The following SVIL variants were observed in gnomAD, a reference collection of about 807,000 sequenced individuals.
The protein encoded by SVIL is archvillin.
Under a neutral mutation model 240.4 loss-of-function variants are expected in SVIL, and 101 were observed. That is an observed-to-expected ratio of 0.42 (90% CI 0.36 to 0.50). SVIL has a LOEUF of 0.50. Ranked by LOEUF, SVIL falls within the 20% of genes least tolerant of loss-of-function variation. The probability of loss-of-function intolerance (pLI) is 0.01; values close to 1 mark genes in which losing one functional copy is unlikely to be tolerated. For missense variants in SVIL, 2,512 were observed against 2,818.7 expected, an observed-to-expected ratio of 0.89 and a Z score of 2.46; for synonymous variants, 999 against 1,100.0, an observed-to-expected ratio of 0.91 and a Z score of 1.82.
chr10:29,672,741 C>T (rs1395818124), intron 2 of SVIL, among the ~76,000 whole-genome samples: 1 of 148,618 alleles, frequency 6.7e-6, no homozygotes, highest in Non-Finnish European at 1.5e-5. Flanking sequence ...TTCCTCTTGG[C>T]ACCCTAAATT....
intron 6 of SVIL, among the ~76,000 whole-genome samples, chr10:29,550,059 G>GAAA (rs35956858): frequency 3.0e-5 from 4 of 131,532 alleles, no homozygotes; most frequent in African/African-American, 1.1e-4. Flanking sequence ...AAAAGAAAAA[G>GAAA]AAAAAAAAAA....
At chr10:29,674,060 G>A (rs1239766718) in intron 2 of SVIL, among the ~76,000 whole-genome samples, 1 of 152,158 alleles carries the variant, frequency 6.6e-6, no homozygotes, top group Non-Finnish European at 1.5e-5. Flanking sequence ...GCCAAGCACA[G>A]TGGATCACAC....
At chr10:29,496,372 G>A (rs1390573936) in intron 18 of SVIL, 2 of 455,366 alleles carry the variant, frequency 4.4e-6, no homozygotes, top group Admixed American at 2.4e-5. Flanking sequence ...GGTATCACAG[G>A]GTGGGGAGGG....
chr10:29,704,759 C>T (rs1448767098), intron 1 of SVIL, among the ~76,000 whole-genome samples: 1 of 152,158 alleles, frequency 6.6e-6, no homozygotes, highest in South Asian at 2.1e-4. Flanking sequence ...ACCTGTTCAA[C>T]GTCACTGCCC....
At chr10:29,662,210 C>T (rs1959169411) in intron 2 of SVIL, among the ~76,000 whole-genome samples, 1 of 152,168 alleles carries the variant, frequency 6.6e-6, no homozygotes, top group Admixed American at 6.5e-5. Context: ...GGCACTTCCT[C>T]CCCGGTCTCA....
chr10:29,499,022 T>G, intron 18 of SVIL, 94 bp downstream of exon 18: 1 of 1,468,224 alleles, frequency 6.8e-7, no homozygotes, highest in Non-Finnish European at 9.1e-7. Context: ...TCTTTTAAAT[T>G]GAGCTATCAC....
rs1161279279 is a variant in SVIL at position 29,532,617 on chromosome 10, C to T, written c.1750G>A (p.Glu584Lys). 2.5e-6 allele frequency: 4 copies of T among 1,613,974 alleles called. No individual in the cohort carries two copies. The highest frequency in any genetic ancestry group is 3.4e-6 in the Non-Finnish European group (4 of 1,179,940). Residue 584 changes from glutamate to lysine, a missense_variant, in exon 8 of 38, where the codon GAG becomes AAG. Physicochemically the swap from Glu to Lys is moderately conservative, Grantham distance 56. This residue lies in a region of SVIL where 1,443 missense variants were observed against 1,486.6 expected (regional missense o/e 0.97). Transcript: ENST00000355867. ...PSSKTEGPYG[E>K]ISMLDTKVSV... ...ACTTTTGTGTCCAGCATGCTGATCT[C>T]CCCATAAGGCCCTTCGGTCTTGGAG...
At chr10:29,651,618 T>TTCTCTCTCTCGC in intron 3 of SVIL, among the ~76,000 whole-genome samples, 1 of 135,430 alleles carries the variant, frequency 7.4e-6, no homozygotes, top group Admixed American at 7.6e-5. Context: ...GCCACATGCA[T>TTCTCTCTCTCGC]TCTCTCTCTC....
intron 1 of SVIL, among the ~76,000 whole-genome samples, chr10:29,693,252 G>A (rs1961652594): frequency 7.1e-6 from 1 of 140,394 alleles, no homozygotes; most frequent in Non-Finnish European, 1.5e-5. Context: ...AGGGTGGCCC[G>A]AATCCATAAT....
chr10:29,556,942 AT>A (rs1953987710), intron 3 of SVIL, among the ~76,000 whole-genome samples: 1 of 152,232 alleles, frequency 6.6e-6, no homozygotes, highest in African/African-American at 2.4e-5. Flanking sequence ...TCAAGAAGCT[AT>A]CAAAACCAAA....
chr10:29,669,691 C>T (rs1411781552), intron 2 of SVIL, among the ~76,000 whole-genome samples: 3 of 152,076 alleles, frequency 2.0e-5, no homozygotes, highest in African/African-American at 7.2e-5. Flanking sequence ...CAGACTGGGC[C>T]GCTGAGTGAA....
chr10:29,713,143 T>C (rs906875071), intron 1 of SVIL, among the ~76,000 whole-genome samples: 1 of 151,140 alleles, frequency 6.6e-6, no homozygotes, highest in African/African-American at 2.4e-5. Context: ...ACCACTGCAC[T>C]CCAGCCTAAG....
intron 1 of SVIL, among the ~76,000 whole-genome samples, chr10:29,609,730 T>C (rs1226256976): frequency 1.3e-5 from 2 of 152,206 alleles, no homozygotes; most frequent in Admixed American, 6.5e-5. Context: ...CAAAGGGAGC[T>C]GGCATATGGA....
At chr10:29,488,208 C>T (rs1315172703) in intron 23 of SVIL, among the ~76,000 whole-genome samples, 1 of 128,510 alleles carries the variant, frequency 7.8e-6, no homozygotes, top group Admixed American at 8.5e-5. Flanking sequence ...GAGAACTGGG[C>T]AGAGAGCAGA....
intron 2 of SVIL, among the ~76,000 whole-genome samples, chr10:29,669,104 G>A (rs1959562832): frequency 6.6e-6 from 1 of 152,186 alleles, no homozygotes; most frequent in South Asian, 2.1e-4. Context: ...AATGTCAGCT[G>A]ATAAGAGCAG....
At chr10:29,686,507 A>G (rs773913042) in intron 2 of SVIL, 1 of 152,210 alleles carries the variant, frequency 6.6e-6, no homozygotes, top group Non-Finnish European at 1.5e-5. Flanking sequence ...CTGCAGCTGA[A>G]CTCCACATGA....
At position 29,550,920 on chromosome 10, in the gene SVIL, G is replaced by A. The variant is rs1258341767; in HGVS notation, c.504C>T (p.Pro168=). The part of the protein sequence containing the change: ...ESSRDASSLY[P]GTETMGLRTC... ...TCCTGAGCCCCATCGTCTCGGTCCCGGGGTACAGAGAACTAGCATCTCTGC... is the reference window on the plus strand; with the variant it reads ...TCCTGAGCCCCATCGTCTCGGTCCCAGGGTACAGAGAACTAGCATCTCTGC... The change falls in exon 6 of 38, where the codon CCC becomes CCT. Residue 168 remains proline (P), a synonymous_variant. Transcript: ENST00000355867. 4 of 1,613,894 alleles carry A rather than the reference G, an allele frequency of 2.5e-6. No individual in the cohort carries two copies. Among genetic ancestry groups the A allele is most frequent in the Non-Finnish European group, 2.5e-6 (3 of 1,180,014 alleles).
intron 1 of SVIL, among the ~76,000 whole-genome samples, chr10:29,622,181 C>T (rs1447394386): frequency 3.1e-5 from 4 of 127,656 alleles, no homozygotes; most frequent in African/African-American, 8.8e-5. Context: ...ACCCGGGAGG[C>T]GGAGCTTGCA....
chr10:29,636,226 T>G (rs577301218), upstream of SVIL, among the ~76,000 whole-genome samples: 1 of 152,144 alleles, frequency 6.6e-6, no homozygotes, highest in African/African-American at 2.4e-5. Flanking sequence ...GGCTTTTTCC[T>G]CATTTTAAAG....
Sources: allele counts gnomAD v4.1 joint callset (sites outside exome capture counted in the v4.1 genomes callset), GRCh38; gene constraint gnomAD v4.1.1; regional missense constraint gnomAD v4.1.1; transcripts MANE v1.5; gene names NCBI Gene and HGNC (gene_info 2026-07-23, HGNC 2026-07-21).